CCDC6: variants seen among roughly 807,000 people sequenced by gnomAD.
CCDC6 encodes the protein coiled-coil domain containing 6, also known as coiled-coil domain-containing protein 6.
A neutral mutation model predicts 56.6 loss-of-function variants in CCDC6; 20 were observed. The observed-to-expected ratio is 0.35, with a 90% CI of 0.25 to 0.51. The LOEUF (loss-of-function observed/expected upper bound fraction) is 0.51, where lower values mean the gene tolerates loss of function less well. Ranked by LOEUF, CCDC6 falls within the 20% of genes least tolerant of loss-of-function variation. The pLI is 0.95. For missense variants in CCDC6, 367 were observed against 601.1 expected (o/e 0.61, Z 4.07); for synonymous variants, 241 against 234.4 (o/e 1.03, Z -0.26).
At chr10:59,813,268 C>T (rs561840907) in intron 4 of CCDC6, among the ~76,000 whole-genome samples, 5 of 152,204 alleles carry the variant, frequency 3.3e-5, no homozygotes, top group Non-Finnish European at 7.3e-5. Context: ...AAATTCCCTC[C>T]TGCAAAACTA....
intron 1 of CCDC6, among the ~76,000 whole-genome samples, chr10:59,890,064 C>G (rs1442332901): frequency 6.6e-6 from 1 of 152,176 alleles, no homozygotes; most frequent in African/African-American, 2.4e-5. Flanking sequence ...ACCCTAAATT[C>G]TAAACACACT....
At chr10:59,820,230 C>T (rs1233443210) in intron 3 of CCDC6, among the ~76,000 whole-genome samples, 1 of 152,088 alleles carries the variant, frequency 6.6e-6, no homozygotes, top group Admixed American at 6.6e-5. Flanking sequence ...AAGAGGACTA[C>T]GATGCTGGGG....
At chr10:59,845,340 CT>C (rs1017483621) in intron 2 of CCDC6, among the ~76,000 whole-genome samples, 16 of 142,460 alleles carry the variant, frequency 1.1e-4, no homozygotes, top group African/African-American at 2.1e-4. Context: ...ACTTTTGCCC[CT>C]ATGGGTTTTT....
Position 59,815,466 on chromosome 10 carries a change from T to C in CCDC6, c.583-711A>G, listed in dbSNP as rs200931929. On this transcript the variant is annotated intron_variant, in intron 3 of 8. Coordinates refer to ENST00000263102, the MANE Select transcript of CCDC6 (RefSeq NM_005436.5). ...GAACAATGACTGGATAATGGGGGCA[T>C]AGCAGTGAATCAAGGAGTCAGGAAT... is the stretch of plus-strand genomic sequence containing the variant. Among the ~76,000 whole-genome samples the C allele has an allele frequency of 2.4e-4, 36 of 152,296 alleles. No homozygotes were observed. The East Asian group carries it at 3.7e-3, about 16-fold the overall frequency.
chr10:59,819,852 A>T (rs548494127), intron 3 of CCDC6, among the ~76,000 whole-genome samples: 2 of 152,318 alleles, frequency 1.3e-5, no homozygotes, highest in South Asian at 4.1e-4. Flanking sequence ...GCAAGCATCC[A>T]GCACCAAGGG....
At chr10:59,876,968 G>C (rs1344062433) in intron 1 of CCDC6, among the ~76,000 whole-genome samples, 2 of 152,106 alleles carry the variant, frequency 1.3e-5, no homozygotes, top group African/African-American at 4.8e-5. Context: ...TATGTGGTAT[G>C]GCCTATTGCT....
At chr10:59,905,830 C>T (rs2071540006) in intron 1 of CCDC6, among the ~76,000 whole-genome samples, 1 of 152,224 alleles carries the variant, frequency 6.6e-6, no homozygotes, top group African/African-American at 2.4e-5. Context: ...GCCTCCAGCC[C>T]AGCCCCGGAG....
At chr10:59,851,887 A>G (rs968588758) in intron 2 of CCDC6, among the ~76,000 whole-genome samples, 3 of 151,250 alleles carry the variant, frequency 2.0e-5, no homozygotes, top group African/African-American at 7.3e-5. Flanking sequence ...GCCCCTAAGC[A>G]AATTTTACCT....
intron 1 of CCDC6, among the ~76,000 whole-genome samples, chr10:59,860,563 A>G (rs1350635387): frequency 2.6e-5 from 4 of 152,142 alleles, no homozygotes; most frequent in African/African-American, 7.2e-5. Context: ...AAGCAAGAAC[A>G]CCGAGGAAAG....
intron 1 of CCDC6, among the ~76,000 whole-genome samples, chr10:59,880,063 C>CT (rs2071319881): frequency 6.6e-6 from 1 of 152,172 alleles, no homozygotes; most frequent in Non-Finnish European, 1.5e-5. Flanking sequence ...GAAAATGTCT[C>CT]TGGCAGAGGC....
rs544618829 is a variant in CCDC6 at position 59,830,542 on chromosome 10, A to T, written c.582+1983T>A. Among the ~76,000 whole-genome samples the T allele has an allele frequency of 6.6e-5, 10 of 152,342 alleles. No homozygotes were observed. The South Asian group carries it at 2.1e-3, about 32-fold the overall frequency. The stretch of plus-strand genomic sequence containing the variant: ...CCACTTTAATTAAAACATAGGCTTC[A>T]TATGCTGGATCTGAGGCTTACTTCT... On this transcript the variant is annotated intron_variant, in intron 3 of 8. Coordinates refer to ENST00000263102, the MANE Select transcript of CCDC6 (RefSeq NM_005436.5).
At chr10:59,892,680 C>A (rs2132683373) in intron 1 of CCDC6, among the ~76,000 whole-genome samples, 1 of 92,830 alleles carries the variant, frequency 1.1e-5, no homozygotes, top group Middle Eastern at 5.3e-3. Context: ...TCACACATTA[C>A]CCCAAAACTT....
At chr10:59,793,667 C>T (rs1035709638) in intron 8 of CCDC6, among the ~76,000 whole-genome samples, 1 of 152,040 alleles carries the variant, frequency 6.6e-6, no homozygotes, top group African/African-American at 2.4e-5. Flanking sequence ...GCCTGTAATA[C>T]CAGCTACTCG....
intron 7 of CCDC6, among the ~76,000 whole-genome samples, chr10:59,799,870 C>T (rs890045014): frequency 6.6e-6 from 1 of 152,102 alleles, no homozygotes; most frequent in African/African-American, 2.4e-5. Context: ...AATACTGTAG[C>T]TACCTTGCAA....
At chr10:59,870,588 G>C (rs58864037) in intron 1 of CCDC6, among the ~76,000 whole-genome samples, 118,045 of 151,924 alleles carry the variant, frequency 0.78, 46,039 homozygotes, top group East Asian at 0.9. Context: ...CTACAATCTA[G>C]AGGACCACCC....
intron 6 of CCDC6, 123 bp downstream of exon 6, chr10:59,806,799 T>C: frequency 1.3e-6 from 1 of 770,602 alleles, no homozygotes; most frequent in Non-Finnish European, 2.0e-6. Flanking sequence ...TGGCATTCAT[T>C]AGCACAATAA....
chr10:59,814,781 A>G (rs1341344382), intron 3 of CCDC6, 26 bp from the exon 4 acceptor site: 3 of 1,430,806 alleles, frequency 2.1e-6, no homozygotes, highest in Non-Finnish European at 2.0e-6. Flanking sequence ...AAGTGTTACC[A>G]AAGTGTCAGG....
chr10:59,881,583 A>AT (rs2071335320), intron 1 of CCDC6, among the ~76,000 whole-genome samples: 1 of 152,178 alleles, frequency 6.6e-6, no homozygotes, highest in Admixed American at 6.5e-5. Context: ...AATGTGTAAG[A>AT]TTTTAAAGGG....
At chr10:59,824,694 GAGA>G (rs2070773799) in intron 3 of CCDC6, among the ~76,000 whole-genome samples, 1 of 152,104 alleles carries the variant, frequency 6.6e-6, no homozygotes, top group African/African-American at 2.4e-5. Context: ...GGAGGAGGAG[GAGA>G]AGATGAAGAA....
Sources: allele counts gnomAD v4.1 joint callset (sites outside exome capture counted in the v4.1 genomes callset), GRCh38; gene constraint gnomAD v4.1.1; transcripts MANE v1.5; gene names NCBI Gene and HGNC (gene_info 2026-07-23, HGNC 2026-07-21).